Variants in MACROD2 observed in about 807,000 individuals in gnomAD.
MACROD2 encodes mono-ADP ribosylhydrolase 2.
Under a neutral mutation model 70.4 loss-of-function variants are expected in MACROD2, and 36 were observed. The ratio of observed to expected loss-of-function variants is 0.51; its 90% CI spans 0.39 to 0.68. MACROD2 has a LOEUF of 0.68. MACROD2 is among the 30% of genes least tolerant of loss of function. The probability of loss-of-function intolerance (pLI) is 0.00; values close to 1 mark genes in which losing one functional copy is unlikely to be tolerated. For synonymous variants in MACROD2, 172 were observed against 178.8 expected (o/e 0.96, Z 0.30); for missense variants, 496 against 538.4 (o/e 0.92, Z 0.78).
chr20:14,161,268 A>G (rs1320737607), intron 3 of MACROD2, among the ~76,000 whole-genome samples: 9 of 149,944 alleles, frequency 6.0e-5, no homozygotes, highest in Admixed American at 4.0e-4. Flanking sequence ...GCTCACTGCA[A>G]TCTCCGCCTC....
intron 5 of MACROD2, among the ~76,000 whole-genome samples, chr20:15,074,634 C>T (rs752728986): frequency 1.2e-4 from 18 of 152,100 alleles, no homozygotes; most frequent in Admixed American, 6.5e-4. Flanking sequence ...GGCACTATCT[C>T]CAGGTAGAAA....
intron 2 of MACROD2, 105 bp downstream of exon 2, chr20:14,002,509 A>G: frequency 1.5e-6 from 1 of 654,274 alleles, no homozygotes; most frequent in Non-Finnish European, 2.6e-6. Flanking sequence ...CTATTTTGCT[A>G]TTTGAAATTA....
At chr20:14,057,102 T>C (rs1053081794) in intron 2 of MACROD2, among the ~76,000 whole-genome samples, 1 of 152,132 alleles carries the variant, frequency 6.6e-6, no homozygotes, top group Non-Finnish European at 1.5e-5. Flanking sequence ...ACCATGCACA[T>C]TTGATTGAAG....
At chr20:15,205,332 G>T (rs1046306138) in intron 5 of MACROD2, among the ~76,000 whole-genome samples, 3 of 152,060 alleles carry the variant, frequency 2.0e-5, no homozygotes, top group Non-Finnish European at 4.4e-5. Flanking sequence ...TGATCATACT[G>T]TTAAAGTGTG....
chr20:14,221,030 C>T (rs1383387945), intron 3 of MACROD2, among the ~76,000 whole-genome samples: 1 of 152,208 alleles, frequency 6.6e-6, no homozygotes, highest in African/African-American at 2.4e-5. Flanking sequence ...GTCCTGCCTC[C>T]TGTCTACCAT....
At chr20:15,786,049 T>C (rs2051920484) in intron 8 of MACROD2, among the ~76,000 whole-genome samples, 1 of 151,652 alleles carries the variant, frequency 6.6e-6, no homozygotes, top group South Asian at 2.1e-4. Context: ...TAAAAAGTAA[T>C]GGCATAACAT....
At chr20:15,850,271 A>G (rs1413338287) in intron 8 of MACROD2, among the ~76,000 whole-genome samples, 1 of 152,118 alleles carries the variant, frequency 6.6e-6, no homozygotes. Context: ...CTCTCCCCCA[A>G]GGGTGATCGA....
chr20:15,526,954 A>G (rs2047729812), intron 8 of MACROD2, among the ~76,000 whole-genome samples: 2 of 152,230 alleles, frequency 1.3e-5, no homozygotes, highest in South Asian at 4.1e-4. Flanking sequence ...TTTGCTAGCA[A>G]GTATCTCACC....
chr20:15,344,776 A>G (rs1312878523), intron 6 of MACROD2, among the ~76,000 whole-genome samples: 2 of 152,260 alleles, frequency 1.3e-5, no homozygotes, highest in African/African-American at 2.4e-5. Flanking sequence ...GAAGATAAGT[A>G]GCCATAGAAA....
intron 3 of MACROD2, among the ~76,000 whole-genome samples, chr20:14,161,818 T>G (rs1482552428): frequency 1.3e-5 from 2 of 151,910 alleles, no homozygotes; most frequent in Non-Finnish European, 2.9e-5. Context: ...ATAGTCTCGA[T>G]CTCCTGACCT....
At chr20:15,966,423 G>T (rs1314007196) in intron 12 of MACROD2, among the ~76,000 whole-genome samples, 1 of 152,140 alleles carries the variant, frequency 6.6e-6, no homozygotes, top group Non-Finnish European at 1.5e-5. Context: ...TTGGTGTTTT[G>T]TTTCCTGTTG....
At chr20:15,581,958 C>T (rs986504904) in intron 8 of MACROD2, among the ~76,000 whole-genome samples, 5 of 152,114 alleles carry the variant, frequency 3.3e-5, no homozygotes, top group Non-Finnish European at 5.9e-5. Flanking sequence ...CCCGTCTCTA[C>T]TAAAAACACA....
intron 5 of MACROD2, among the ~76,000 whole-genome samples, chr20:14,995,110 A>T (rs1368186144): frequency 6.6e-6 from 1 of 152,192 alleles, no homozygotes; most frequent in East Asian, 1.9e-4. Context: ...TACTATATAT[A>T]TGGCCTTTTA....
intron 8 of MACROD2, among the ~76,000 whole-genome samples, chr20:15,814,845 A>G (rs796373178): frequency 5.9e-5 from 9 of 152,374 alleles, no homozygotes; most frequent in African/African-American, 2.2e-4. Flanking sequence ...CTTTTGCTAC[A>G]GCACAGTTCT....
chr20:14,850,782 G>A (rs533946678), intron 5 of MACROD2, among the ~76,000 whole-genome samples: 3 of 152,136 alleles, frequency 2.0e-5, no homozygotes, highest in South Asian at 2.1e-4. Context: ...GGAAGACAAC[G>A]GACTGGTAAA....
At chr20:14,132,426 C>G (rs1015213177) in intron 3 of MACROD2, among the ~76,000 whole-genome samples, 4 of 152,098 alleles carry the variant, frequency 2.6e-5, no homozygotes, top group African/African-American at 9.7e-5. Flanking sequence ...ATATAGGAGA[C>G]TTTATAGTTC....
intron 7 of MACROD2, among the ~76,000 whole-genome samples, chr20:15,446,861 A>G (rs768831124): frequency 2.0e-5 from 3 of 152,220 alleles, no homozygotes; most frequent in Non-Finnish European, 4.4e-5. Context: ...TGTTGTTTAT[A>G]GAAGGAAAGG....
chr20:14,559,788 G>T lies in MACROD2; in HGVS notation c.301+66280G>T, dbSNP rs150876867. Reference sequence around the variant, plus strand: ...TGACTGGAATAATTTCTAACAACATGAATCATGCATGACTTGTACATACCC... The same window carrying T: ...TGACTGGAATAATTTCTAACAACATTAATCATGCATGACTTGTACATACCC... On this transcript the variant is annotated intron_variant, in intron 4 of 17. Coordinates refer to ENST00000684519, the MANE Select transcript of MACROD2 (RefSeq NM_001351661.2). Among the ~76,000 whole-genome samples, 531 of 151,836 alleles carry T rather than the reference G, an allele frequency of 3.5e-3. 4 individuals carry two copies. Among genetic ancestry groups the T allele is most frequent in the Middle Eastern group, 0.017 (5 of 294 alleles).
At chr20:14,951,974 A>T (rs543026403) in intron 5 of MACROD2, among the ~76,000 whole-genome samples, 3 of 151,584 alleles carry the variant, frequency 2.0e-5, no homozygotes, top group Admixed American at 1.3e-4. Flanking sequence ...GTTGTGGGGA[A>T]ATAAGGTTTG....
Sources: allele counts gnomAD v4.1 joint callset (sites outside exome capture counted in the v4.1 genomes callset), GRCh38; gene constraint gnomAD v4.1.1; transcripts MANE v1.5; gene names NCBI Gene and HGNC (gene_info 2026-07-23, HGNC 2026-07-21).